KCNH8: variants seen among roughly 807,000 people sequenced by gnomAD.
KCNH8 encodes the protein potassium voltage-gated channel subfamily H member 8.
KCNH8 carries 70 observed loss-of-function variants against 103.6 expected under a neutral mutation model. The observed-to-expected ratio is 0.68, with a 90% CI of 0.56 to 0.82. The LOEUF (loss-of-function observed/expected upper bound fraction) is 0.82. Ranked by LOEUF, KCNH8 falls within the 40% of genes least tolerant of loss-of-function variation. The pLI, the probability that KCNH8 is intolerant of heterozygous loss-of-function variation, is 0.00. For synonymous variants in KCNH8, 498 were observed against 489.4 expected (o/e 1.02, Z -0.23); for missense variants, 1,217 against 1,329.9 (o/e 0.92, Z 1.32).
chr3:19,440,967 C>T (rs1047057430), intron 8 of KCNH8, among the ~76,000 whole-genome samples: 3 of 152,140 alleles, frequency 2.0e-5, no homozygotes, highest in African/African-American at 7.2e-5. Flanking sequence ...CTGCAAAACT[C>T]ATTCTTCTTC....
At chr3:19,203,357 G>A (rs191454879) in intron 1 of KCNH8, among the ~76,000 whole-genome samples, 2 of 151,810 alleles carry the variant, frequency 1.3e-5, no homozygotes, top group African/African-American at 4.8e-5. Flanking sequence ...TAGAATATTT[G>A]TCAAAGGAAA....
At chr3:19,419,205 T>G (rs530075507) in intron 7 of KCNH8, among the ~76,000 whole-genome samples, 27 of 140,144 alleles carry the variant, frequency 1.9e-4, no homozygotes, top group South Asian at 1.4e-3. Context: ...GTTTTTTTTT[T>G]TTTTTTTTTT....
intron 1 of KCNH8, among the ~76,000 whole-genome samples, chr3:19,151,116 G>A (rs1158817338): frequency 1.3e-5 from 2 of 151,234 alleles, no homozygotes; most frequent in Non-Finnish European, 2.9e-5. Flanking sequence ...CTAGAATAAT[G>A]GGTATACCAT....
intron 11 of KCNH8, among the ~76,000 whole-genome samples, chr3:19,484,309 G>T (rs1260817166): frequency 6.6e-6 from 1 of 152,152 alleles, no homozygotes; most frequent in Non-Finnish European, 1.5e-5. Flanking sequence ...GGCATTCATA[G>T]TAACTATAGA....
At chr3:19,508,476 T>C (rs922111376) in intron 11 of KCNH8, among the ~76,000 whole-genome samples, 1 of 152,204 alleles carries the variant, frequency 6.6e-6, no homozygotes, top group Non-Finnish European at 1.5e-5. Context: ...TTGGTCCTTT[T>C]GTTTCCTCTT....
intron 5 of KCNH8, among the ~76,000 whole-genome samples, chr3:19,353,448 C>T (rs990299979): frequency 1.3e-5 from 2 of 152,136 alleles, no homozygotes; most frequent in Non-Finnish European, 2.9e-5. Context: ...AATTTTAGAT[C>T]AATATCCCTG....
chr3:19,436,121 AATTG>A (rs1186657584), intron 7 of KCNH8, among the ~76,000 whole-genome samples: 5 of 152,118 alleles, frequency 3.3e-5, no homozygotes, highest in African/African-American at 1.2e-4. Flanking sequence ...CTGTCTTTGA[AATTG>A]ATTATTTATT....
intron 11 of KCNH8, among the ~76,000 whole-genome samples, chr3:19,502,720 C>A (rs1484557527): frequency 3.3e-5 from 5 of 150,344 alleles, no homozygotes; most frequent in African/African-American, 4.9e-5. Context: ...AACTGGCTAG[C>A]CATATGTAGA....
chr3:19,456,837 A>G lies in KCNH8; in HGVS notation c.1895A>G (p.Lys632Arg). 2 of 1,612,652 alleles carry G rather than the reference A, an allele frequency of 1.2e-6. No individual in the cohort carries two copies. The highest frequency in any genetic ancestry group is 1.7e-6 in the Non-Finnish European group (2 of 1,179,016). The change falls in exon 11 of 16, where the codon AAG (lysine) becomes AGG (arginine). Residue 632 changes from lysine (K) to arginine (R), a missense_variant. Coordinates refer to ENST00000328405, the MANE Select transcript of KCNH8 (RefSeq NM_144633.3). ...DQVIKTNADV[K>R]ALTYCDLQCI... ...GTGATCAAGACCAATGCAGATGTAA[A>G]GGCTTTAACCTACTGTGATCTCCAG...
intron 1 of KCNH8, among the ~76,000 whole-genome samples, chr3:19,252,338 C>T (rs766844979): frequency 5.3e-5 from 8 of 152,022 alleles, no homozygotes; most frequent in Non-Finnish European, 8.8e-5. Context: ...TTTTGATTGT[C>T]CTCTAAGTCT....
intron 5 of KCNH8, among the ~76,000 whole-genome samples, chr3:19,372,278 T>C (rs2066111404): frequency 6.6e-6 from 1 of 151,838 alleles, no homozygotes; most frequent in Admixed American, 6.6e-5. Flanking sequence ...TGTATCCTCT[T>C]TTATTTCCTT....
chr3:19,291,487 T>A (rs1270632585), intron 3 of KCNH8, among the ~76,000 whole-genome samples: 3 of 152,228 alleles, frequency 2.0e-5, no homozygotes, highest in African/African-American at 7.2e-5. Context: ...ATTTCTGCCT[T>A]CATTTCGTTA....
At chr3:19,149,348 T>G (rs2063105832) in intron 1 of KCNH8, among the ~76,000 whole-genome samples, 1 of 152,138 alleles carries the variant, frequency 6.6e-6, no homozygotes, top group Non-Finnish European at 1.5e-5. Flanking sequence ...TGAGCTAGAA[T>G]AGCGTATCTT....
intron 1 of KCNH8, among the ~76,000 whole-genome samples, chr3:19,179,645 C>G (rs574780740): frequency 1.3e-5 from 2 of 152,160 alleles, no homozygotes; most frequent in South Asian, 2.1e-4. Flanking sequence ...TAAAATCATT[C>G]TCTTTATTGT....
chr3:19,512,953 A>T lies in KCNH8; in HGVS notation c.2080-17A>T, dbSNP rs763560180. On this transcript the variant is annotated splice_polypyrimidine_tract_variant and intron_variant, in intron 12 of 15. Coordinates refer to ENST00000328405, the MANE Select transcript of KCNH8 (RefSeq NM_144633.3). ...GTTTTTGCAGTCTGTACTAATTTAT[A>T]TTATCCACTGATTTAGTCAGAGCCC... The T allele has an allele frequency of 1.9e-6, 3 of 1,606,038 alleles. No individual in the cohort carries two copies. In the Admixed American group the frequency reaches 5.1e-5, roughly 27 times the overall value.
At chr3:19,346,571 T>C in intron 4 of KCNH8, 1 of 455,468 alleles carries the variant, frequency 2.2e-6, no homozygotes, top group Non-Finnish European at 4.4e-6. Context: ...AATATTAAGG[T>C]AGCAGAACTA....
intron 1 of KCNH8, among the ~76,000 whole-genome samples, chr3:19,183,977 T>A (rs930282511): frequency 1.3e-5 from 2 of 152,116 alleles, no homozygotes; most frequent in African/African-American, 4.8e-5. Flanking sequence ...TTAAACATGC[T>A]TATGTTCATA....
At position 19,308,710 on chromosome 3, in the gene KCNH8, CTCTCTCT is replaced by C. The variant is rs1559470087; in HGVS notation, c.442+27382_442+27388del. Reference sequence around the variant, plus strand: ...TCTCTCTCTCTCTCTCTCTCTCTCTCTCTCTCTCCCCCTCTCTCCCTCTCTCCCTCTC... The same window carrying C: ...TCTCTCTCTCTCTCTCTCTCTCTCTCCCCCCTCTCTCCCTCTCTCCCTCTC... On this transcript the variant is annotated intron_variant, in intron 3 of 15. Transcript: ENST00000328405. 2.2e-4 allele frequency among the ~76,000 whole-genome samples: 18 copies of C among 83,086 alleles called. 1 individual carries two copies. The highest frequency in any genetic ancestry group is 5.1e-4 in the African/African-American group (8 of 15,738). The allele number at this position is 83,086 out of a possible 152,430, so 54.5% of individuals were successfully genotyped here.
Position 19,266,170 on chromosome 3 carries a change from T to C in KCNH8, c.310+12283T>C, listed in dbSNP as rs535749825. 7.0e-4 allele frequency among the ~76,000 whole-genome samples: 106 copies of C among 152,220 alleles called. 1 individual carries two copies. Among genetic ancestry groups the C allele is most frequent in the Admixed American group, 6.2e-3 (95 of 15,274 alleles). On this transcript the variant is annotated intron_variant, in intron 2 of 15. Transcript: ENST00000328405. Reference sequence around the variant, plus strand: ...TTCAGGATAAATAAAAACTCTTCACTCTGGCATATAAAGCCATTCATGAGC... The same window carrying C: ...TTCAGGATAAATAAAAACTCTTCACCCTGGCATATAAAGCCATTCATGAGC...
Sources: allele counts gnomAD v4.1 joint callset (sites outside exome capture counted in the v4.1 genomes callset), GRCh38; gene constraint gnomAD v4.1.1; transcripts MANE v1.5; gene names NCBI Gene and HGNC (gene_info 2026-07-23, HGNC 2026-07-21).